The following RALGPS1 variants were observed in gnomAD, a reference collection of about 807,000 sequenced individuals.
RALGPS1 encodes Ral GEF with PH domain and SH3 binding motif 1.
In RALGPS1, 19 loss-of-function variants were observed where a neutral mutation model predicts 78.8. The ratio of observed to expected loss-of-function variants is 0.24; its 90% CI spans 0.17 to 0.35. RALGPS1 has a LOEUF of 0.35. Ranked by LOEUF, RALGPS1 falls within the 10% of genes least tolerant of loss-of-function variation. The probability of loss-of-function intolerance (pLI) is 1.00; values close to 1 mark genes in which losing one functional copy is unlikely to be tolerated. For synonymous variants in RALGPS1, 228 were observed against 256.3 expected, an observed-to-expected ratio of 0.89 and a Z score of 1.06; for missense variants, 454 against 688.3, an observed-to-expected ratio of 0.66 and a Z score of 3.81.
At chr9:126,952,652 AGAGAGT>A (rs1236431103) in intron 1 of RALGPS1, among the ~76,000 whole-genome samples, 1 of 122,428 alleles carries the variant, frequency 8.2e-6, no homozygotes, top group African/African-American at 2.7e-5. Context: ...AGAGAGAGAG[AGAGAGT>A]GTGTGTGTGT....
At chr9:126,997,201 G>A (rs1012840278) in intron 4 of RALGPS1, among the ~76,000 whole-genome samples, 7 of 152,144 alleles carry the variant, frequency 4.6e-5, no homozygotes, top group Admixed American at 3.3e-4. Context: ...GGCAGGAGAA[G>A]GAAATAAAGG....
intron 1 of RALGPS1, among the ~76,000 whole-genome samples, chr9:126,927,661 C>G (rs2131013274): frequency 6.6e-6 from 1 of 152,298 alleles, no homozygotes; most frequent in African/African-American, 2.4e-5. Context: ...CGCCTCCCAG[C>G]AACCTTCTCA....
At chr9:127,014,997 TAAATA>T (rs781555949) in intron 4 of RALGPS1, among the ~76,000 whole-genome samples, 3 of 152,206 alleles carry the variant, frequency 2.0e-5, no homozygotes, top group Non-Finnish European at 2.9e-5. Flanking sequence ...TTTTGAGACT[TAAATA>T]AAATAAAGTA....
intron 8 of RALGPS1, among the ~76,000 whole-genome samples, chr9:127,160,573 G>A (rs886439691): frequency 6.6e-6 from 1 of 152,184 alleles, no homozygotes; most frequent in South Asian, 2.1e-4. Flanking sequence ...TCCAGTCTGC[G>A]GGTGGGCATA....
chr9:126,943,512 A>G (rs542315324), intron 1 of RALGPS1, among the ~76,000 whole-genome samples: 70 of 152,216 alleles, frequency 4.6e-4, no homozygotes, highest in Non-Finnish European at 5.0e-4. Context: ...GACTCCTCTC[A>G]TTATCTTCAT....
chr9:127,101,593 C>A (rs2053736435), intron 8 of RALGPS1, among the ~76,000 whole-genome samples: 1 of 152,164 alleles, frequency 6.6e-6, no homozygotes, highest in Admixed American at 6.5e-5. Context: ...AATAATAAAT[C>A]CATCTGGAAA....
intron 8 of RALGPS1, among the ~76,000 whole-genome samples, chr9:127,081,681 T>C (rs893788170): frequency 2.0e-5 from 3 of 152,262 alleles, no homozygotes; most frequent in African/African-American, 4.8e-5. Flanking sequence ...AGGGCAAATG[T>C]GGCCTGTCTT....
intron 3 of RALGPS1, among the ~76,000 whole-genome samples, chr9:126,969,618 T>C (rs1181191281): frequency 6.6e-6 from 1 of 152,258 alleles, no homozygotes; most frequent in African/African-American, 2.4e-5. Flanking sequence ...CTTGTACTTT[T>C]AAGAGTCATG....
At chr9:127,030,894 G>GT (rs2046378705) in intron 4 of RALGPS1, among the ~76,000 whole-genome samples, 2 of 152,176 alleles carry the variant, frequency 1.3e-5, no homozygotes, top group South Asian at 4.1e-4. Context: ...CATAGCATCT[G>GT]TTTTTCCCTG....
intron 8 of RALGPS1, among the ~76,000 whole-genome samples, chr9:127,080,366 G>T (rs1228169634): frequency 1.3e-5 from 2 of 152,200 alleles, no homozygotes; most frequent in East Asian, 3.8e-4. Context: ...ACACTGAAAA[G>T]AAGTTTATAA....
chr9:127,198,759 C>A (rs2061467094), intron 13 of RALGPS1, among the ~76,000 whole-genome samples: 1 of 151,690 alleles, frequency 6.6e-6, no homozygotes, highest in African/African-American at 2.4e-5. Flanking sequence ...CCCCAGCGGG[C>A]CAGTGGGCAG....
At chr9:126,922,752 C>CT (rs1383195031) in intron 1 of RALGPS1, among the ~76,000 whole-genome samples, 4 of 152,220 alleles carry the variant, frequency 2.6e-5, no homozygotes, top group African/African-American at 9.6e-5. Context: ...TTTCTCTAGA[C>CT]TTTACAGAGT....
chr9:127,075,329 G>A (rs2050583060), intron 8 of RALGPS1, among the ~76,000 whole-genome samples: 1 of 152,228 alleles, frequency 6.6e-6, no homozygotes, highest in Non-Finnish European at 1.5e-5. Context: ...AAGAGGAGGT[G>A]ACTGCCACCT....
At chr9:127,184,236 C>T in intron 11 of RALGPS1, 1 of 546,478 alleles carries the variant, frequency 1.8e-6, no homozygotes, top group Non-Finnish European at 3.2e-6. Context: ...GGCGAGATCG[C>T]TTGATCCCAG....
chr9:127,071,201 T>C (rs1174639736), intron 8 of RALGPS1, among the ~76,000 whole-genome samples: 2 of 152,062 alleles, frequency 1.3e-5, no homozygotes, highest in African/African-American at 4.8e-5. Flanking sequence ...TTTTCTTTCT[T>C]TTTTAAAATT....
intron 4 of RALGPS1, among the ~76,000 whole-genome samples, chr9:126,993,227 C>G (rs543574035): frequency 1.1e-4 from 17 of 152,190 alleles, no homozygotes; most frequent in African/African-American, 4.1e-4. Flanking sequence ...GTAAACCCCA[C>G]TTAGTTATGA....
At chr9:127,133,741 T>C (rs961134089) in intron 8 of RALGPS1, among the ~76,000 whole-genome samples, 6 of 152,202 alleles carry the variant, frequency 3.9e-5, no homozygotes, top group Non-Finnish European at 7.3e-5. Flanking sequence ...CTGGTTTCTA[T>C]GTGTGCAGAA....
intron 1 of RALGPS1, among the ~76,000 whole-genome samples, chr9:126,951,355 GAC>G (rs2037797883): frequency 6.7e-6 from 1 of 148,884 alleles, no homozygotes; most frequent in Non-Finnish European, 1.5e-5. Context: ...GCCGGGCAGA[GAC>G]ACAACCAAAA....
At chr9:127,005,496 A>C (rs1208662807) in intron 4 of RALGPS1, among the ~76,000 whole-genome samples, 1 of 152,142 alleles carries the variant, frequency 6.6e-6, no homozygotes, top group African/African-American at 2.4e-5. Context: ...CAAAGATTAC[A>C]ATGGTCTTGA....
Sources: gnomAD v4.1 joint callset for allele counts (sites outside exome capture counted in the v4.1 genomes callset) on GRCh38, gnomAD v4.1.1 for gene constraint, MANE v1.5 for transcripts, NCBI Gene and HGNC (gene_info 2026-07-23, HGNC 2026-07-21) for gene names.